Variants in MYO10 observed in about 807,000 individuals in gnomAD.
The protein encoded by MYO10 is unconventional myosin-X.
A neutral mutation model predicts 257.3 loss-of-function variants in MYO10; 133 were observed. The observed-to-expected ratio is 0.52, with a 90% CI of 0.45 to 0.60. MYO10 has a LOEUF of 0.60. Ranked by LOEUF, MYO10 falls within the 20% of genes least tolerant of loss-of-function variation. MYO10 has a pLI of 0.00. For synonymous variants in MYO10, 1,104 were observed against 1,028.6 expected, an observed-to-expected ratio of 1.07 and a Z score of -1.40; for missense variants, 2,399 against 2,635.7, an observed-to-expected ratio of 0.91 and a Z score of 1.97.
chr5:16,714,802 G>A (rs1169949966), intron 19 of MYO10, among the ~76,000 whole-genome samples: 7 of 152,158 alleles, frequency 4.6e-5, no homozygotes, highest in Non-Finnish European at 1.0e-4. Flanking sequence ...CAGCCTGGGC[G>A]ACAGAGCGAG....
At chr5:16,699,779 T>G in intron 25 of MYO10, 15 of 119,560 alleles carry the variant, frequency 1.3e-4, no homozygotes, top group South Asian at 6.4e-4. Context: ...AGAGCAAGCC[T>G]CAGTCTCAAA....
intron 19 of MYO10, among the ~76,000 whole-genome samples, chr5:16,743,713 T>C (rs746384369): frequency 6.6e-6 from 1 of 152,132 alleles, no homozygotes; most frequent in Non-Finnish European, 1.5e-5. Flanking sequence ...CCCATTCTTA[T>C]AGAAAATGAC....
intron 1 of MYO10, among the ~76,000 whole-genome samples, chr5:16,878,269 C>A (rs80298342): frequency 0.02 from 3,114 of 152,248 alleles, 118 homozygotes; most frequent in African/African-American, 0.072. Flanking sequence ...CCTACTTATA[C>A]CAAAATCCAT....
chr5:16,680,356 T>C (rs1439593730), intron 32 of MYO10, among the ~76,000 whole-genome samples: 1 of 152,194 alleles, frequency 6.6e-6, no homozygotes, highest in East Asian at 1.9e-4. Flanking sequence ...TCATTAAATA[T>C]ATAAAGATAA....
chr5:16,710,279 G>A (rs531641506), intron 21 of MYO10, among the ~76,000 whole-genome samples: 1 of 152,274 alleles, frequency 6.6e-6, no homozygotes, highest in East Asian at 1.9e-4. Flanking sequence ...GAGGTTCTTG[G>A]CAGTTCCCTG....
intron 2 of MYO10, among the ~76,000 whole-genome samples, chr5:16,871,701 G>A (rs1045629436): frequency 2.6e-5 from 4 of 152,118 alleles, no homozygotes; most frequent in Admixed American, 1.3e-4. Context: ...GCTTGGCGAC[G>A]ATTCCTGCAT....
At position 16,718,232 on chromosome 5, in the gene MYO10, C is replaced by T. The variant is rs576543731; in HGVS notation, c.1930-6987G>A. Among the ~76,000 whole-genome samples the T allele has an allele frequency of 2.6e-5, 4 of 152,320 alleles. No individual in the cohort carries two copies. In the East Asian group the frequency reaches 7.8e-4, roughly 30 times the overall value. On this transcript the variant is annotated intron_variant, in intron 19 of 40. Coordinates refer to ENST00000513610, the MANE Select transcript of MYO10 (RefSeq NM_012334.3). The stretch of plus-strand genomic sequence containing the variant: ...CTGCAGCCCGCCATGCCTGAGCCTC[C>T]CACCCACTCCATGGGCTCCTGTGCG...
intron 2 of MYO10, among the ~76,000 whole-genome samples, chr5:16,842,337 A>G (rs1334620289): frequency 1.3e-5 from 2 of 152,164 alleles, no homozygotes; most frequent in Non-Finnish European, 2.9e-5. Context: ...ACTGAGAGCC[A>G]GTCAAGTGAA....
At chr5:16,832,819 C>T (rs1329126070) in intron 2 of MYO10, among the ~76,000 whole-genome samples, 1 of 152,220 alleles carries the variant, frequency 6.6e-6, no homozygotes, top group Non-Finnish European at 1.5e-5. Flanking sequence ...GGCATCTCCT[C>T]CTGTTCACCT....
intron 9 of MYO10, among the ~76,000 whole-genome samples, chr5:16,776,999 T>C (rs931903587): frequency 6.6e-6 from 1 of 152,264 alleles, no homozygotes; most frequent in African/African-American, 2.4e-5. Context: ...CTTTTTTTTT[T>C]GCCCTGCTCC....
At chr5:16,915,517 T>A (rs192801666) in intron 1 of MYO10, among the ~76,000 whole-genome samples, 507 of 152,274 alleles carry the variant, frequency 3.3e-3, no homozygotes, top group African/African-American at 0.011. Flanking sequence ...ATGGTCTCAG[T>A]AATGGCAGGG....
chr5:16,766,104 G>C lies in MYO10; in HGVS notation c.1155C>G (p.Ile385Met), dbSNP rs768385862. The change falls in exon 11 of 41, where the codon ATC becomes ATG. Residue 385 changes from isoleucine (I) to methionine (M), a missense_variant. Physicochemically the swap from Ile to Met is conservative, Grantham distance 10. Transcript: ENST00000513610. ...CCTGTTGAACATTGAGAGGCGTGAG[G>C]ATCTCTTCTCCCCTGAGGAACATTG... ...QRSMFLRGEE[I>M]LTPLNVQQAV... The C allele has an allele frequency of 1.2e-6, 2 of 1,612,556 alleles. No individual in the cohort carries two copies.
chr5:16,886,915 G>C (rs575903304), intron 1 of MYO10, among the ~76,000 whole-genome samples: 2 of 138,342 alleles, frequency 1.4e-5, no homozygotes, highest in South Asian at 4.6e-4. Context: ...ATGGGTGCCA[G>C]AGCGAGACTC....
chr5:16,899,628 CAAA>C (rs370278252), intron 1 of MYO10, among the ~76,000 whole-genome samples: 1 of 123,366 alleles, frequency 8.1e-6, no homozygotes, highest in Non-Finnish European at 1.7e-5. Context: ...AACTCAGTTT[CAAA>C]AAAAAAAAAA....
intron 4 of MYO10, among the ~76,000 whole-genome samples, chr5:16,794,363 A>C: frequency 6.8e-6 from 1 of 147,900 alleles, no homozygotes; most frequent in South Asian, 2.2e-4. Context: ...AAGAATAATT[A>C]AGGCAAATAA....
intron 9 of MYO10, among the ~76,000 whole-genome samples, chr5:16,769,870 A>C (rs1740992719): frequency 6.6e-6 from 1 of 152,144 alleles, no homozygotes; most frequent in South Asian, 2.1e-4. Flanking sequence ...AATATTTATT[A>C]TTTTCTTTAG....
At chr5:16,932,262 C>T (rs1259693054) in intron 1 of MYO10, among the ~76,000 whole-genome samples, 5 of 152,154 alleles carry the variant, frequency 3.3e-5, no homozygotes, top group South Asian at 2.1e-4. Context: ...AATAATCCTC[C>T]GAGATCTTGT....
At chr5:16,818,373 TGTGTGTGC>T (rs1433708615) in intron 2 of MYO10, among the ~76,000 whole-genome samples, 1 of 71,660 alleles carries the variant, frequency 1.4e-5, no homozygotes, top group African/African-American at 5.1e-5. Flanking sequence ...TGTGTGTGTG[TGTGTGTGC>T]GTGTGTGTGT....
At chr5:16,803,602 C>T (rs1233422171) in intron 3 of MYO10, among the ~76,000 whole-genome samples, 3 of 152,050 alleles carry the variant, frequency 2.0e-5, no homozygotes, top group East Asian at 1.9e-4. Flanking sequence ...TTGTGGCTGG[C>T]GGTAAATTCA....
Sources: gnomAD v4.1 joint callset for allele counts (sites outside exome capture counted in the v4.1 genomes callset) on GRCh38, gnomAD v4.1.1 for gene constraint, MANE v1.5 for transcripts, NCBI Gene and HGNC (gene_info 2026-07-23, HGNC 2026-07-21) for gene names.